The following PLD1 variants were observed in gnomAD, a reference collection of about 807,000 sequenced individuals.
The protein encoded by PLD1 is choline phosphatase 1.
Under a neutral mutation model 137.1 loss-of-function variants are expected in PLD1, and 112 were observed. The ratio of observed to expected loss-of-function variants is 0.82; its 90% CI spans 0.70 to 0.96. The LOEUF is 0.96. PLD1 is among the 40% of genes least tolerant of loss of function. PLD1 has a pLI of 0.00. For missense variants in PLD1, 1,321 were observed against 1,342.0 expected (o/e 0.98, Z 0.24); for synonymous variants, 431 against 454.7 (o/e 0.95, Z 0.66).
At chr3:171,726,492 G>A (rs1718520292) in intron 6 of PLD1, among the ~76,000 whole-genome samples, 1 of 152,132 alleles carries the variant, frequency 6.6e-6, no homozygotes, top group South Asian at 2.1e-4. Flanking sequence ...ACTGGATTTG[G>A]GCCCACAGTG....
chr3:171,640,588 G>C (rs1390713866), intron 23 of PLD1, among the ~76,000 whole-genome samples: 1 of 152,224 alleles, frequency 6.6e-6, no homozygotes, highest in Non-Finnish European at 1.5e-5. Flanking sequence ...GAGGGGCTCT[G>C]TGTATGTGTG....
At chr3:171,665,162 C>T (rs1323133768) in intron 19 of PLD1, among the ~76,000 whole-genome samples, 1 of 152,134 alleles carries the variant, frequency 6.6e-6, no homozygotes, top group Admixed American at 6.5e-5. Context: ...AGAATTACAT[C>T]AATGTCAGCT....
chr3:171,804,143 C>G (rs763594832), intron 1 of PLD1, among the ~76,000 whole-genome samples: 21 of 152,110 alleles, frequency 1.4e-4, no homozygotes, highest in South Asian at 2.1e-4. Flanking sequence ...CAGAGGACCA[C>G]TGCCCTACAC....
chr3:171,716,760 G>A (rs577770398), intron 8 of PLD1, among the ~76,000 whole-genome samples: 4 of 152,136 alleles, frequency 2.6e-5, no homozygotes, highest in Admixed American at 6.5e-5. Flanking sequence ...GATTCCATTC[G>A]CCAATTTTTG....
In PLD1 at chr3:171,737,640, A is replaced by G. The variant is rs1337419082; in HGVS notation, c.180T>C (p.Ala60=). The G allele has an allele frequency of 5.8e-6, 9 of 1,562,956 alleles. No individual in the cohort carries two copies. Among genetic ancestry groups the G allele is most frequent in the Non-Finnish European group, 7.9e-6 (9 of 1,136,940 alleles). Residue 60 remains alanine (A), a synonymous_variant, in exon 3 of 27, where the codon GCT becomes GCC. Coordinates refer to ENST00000351298, the MANE Select transcript of PLD1 (RefSeq NM_002662.5). ...KIQEVYIPFS[A]IYNTQGFKEP... The stretch of plus-strand genomic sequence containing the variant: ...CCTTAAATCCTTGAGTGTTATAAAT[A>G]GCAGAGAAAGGGATATACACTAAAA...
At chr3:171,686,945 T>C (rs999229008) in intron 15 of PLD1, 147 bp from the exon 16 acceptor site, 1 of 530,328 alleles carries the variant, frequency 1.9e-6, no homozygotes, top group Non-Finnish European at 3.3e-6. Context: ...GGCTTTAAGA[T>C]GGATTTCAAA....
At chr3:171,699,503 T>C (rs554672798) in intron 12 of PLD1, among the ~76,000 whole-genome samples, 26 of 152,292 alleles carry the variant, frequency 1.7e-4, no homozygotes, top group African/African-American at 5.5e-4. Flanking sequence ...CCATAACTGA[T>C]TCAAAAATAA....
chr3:171,651,480 T>G (rs1736764697), intron 21 of PLD1, among the ~76,000 whole-genome samples: 1 of 152,190 alleles, frequency 6.6e-6, no homozygotes, highest in Non-Finnish European at 1.5e-5. Flanking sequence ...CCTTCTGGGC[T>G]TCAGTTTCCT....
At chr3:171,717,020 G>A (rs1469456033) in intron 8 of PLD1, among the ~76,000 whole-genome samples, 1 of 152,140 alleles carries the variant, frequency 6.6e-6, no homozygotes, top group African/African-American at 2.4e-5. Flanking sequence ...GGTTGTAGGT[G>A]TGCAGTATTA....
At chr3:171,680,012 G>A (rs576686859) in intron 16 of PLD1, among the ~76,000 whole-genome samples, 64 of 152,068 alleles carry the variant, frequency 4.2e-4, no homozygotes, top group Non-Finnish European at 8.2e-4. Flanking sequence ...ATCCTCCTCT[G>A]TCAGTGGCTC....
At chr3:171,764,942 GAAAGAAAGAAAGAAAGAAAGAAA>G (rs1377420120) in intron 1 of PLD1, among the ~76,000 whole-genome samples, 159 of 15,364 alleles carry the variant, frequency 0.01, 24 homozygotes, top group Non-Finnish European at 0.013. Flanking sequence ...AGGAAAGAAA[GAAAGAAAGAAAGAAAGAAAGAAA>G]GAAAGAAAGA....
intron 19 of PLD1, among the ~76,000 whole-genome samples, chr3:171,672,764 C>T (rs552464176): frequency 6.6e-6 from 1 of 152,190 alleles, no homozygotes; most frequent in African/African-American, 2.4e-5. Context: ...GGATTCCAAG[C>T]GTGAGCCACC....
chr3:171,709,583 G>C lies in PLD1; in HGVS notation c.1038C>G (p.Ile346Met). Residue 346 changes from isoleucine to methionine, a missense_variant, in exon 10 of 27, where the codon ATC becomes ATG. Physicochemically the swap from Ile to Met is conservative, Grantham distance 10. Coordinates refer to ENST00000351298, the MANE Select transcript of PLD1 (RefSeq NM_002662.5). ...KDHRFGSYAA[I>M]QENALAKWYV... The stretch of plus-strand genomic sequence containing the variant: ...ACCATTTAGCTAAAGCATTCTCTTG[G>C]ATAGCAGCATATGACCCAAATCGAT... 6.2e-7 allele frequency: 1 copy of C among 1,613,958 alleles called. No individual in the cohort carries two copies. The highest frequency in any genetic ancestry group is 8.5e-7 in the Non-Finnish European group (1 of 1,179,890).
chr3:171,769,944 T>G (rs1480160692), intron 1 of PLD1, among the ~76,000 whole-genome samples: 1 of 152,178 alleles, frequency 6.6e-6, no homozygotes, highest in African/African-American at 2.4e-5. Flanking sequence ...TAAAGTAACA[T>G]GAAAGCAAGA....
In PLD1 at chr3:171,766,922, G is replaced by T. The variant is rs559460538; in HGVS notation, c.-31-28840C>A. Among the ~76,000 whole-genome samples the T allele has an allele frequency of 1.6e-3, 240 of 152,104 alleles. 3 individuals are homozygous for T. Among genetic ancestry groups the T allele is most frequent in the African/African-American group, 5.5e-3 (230 of 41,500 alleles). ...ACACGTTTAAATTTTAGCCAAATTG[G>T]GTAGAAGTTATTTGCCCAATATTTT... On this transcript the variant is annotated intron_variant, in intron 1 of 26. Transcript: ENST00000351298.
At chr3:171,685,991 C>T (rs1358292410) in intron 16 of PLD1, among the ~76,000 whole-genome samples, 2 of 151,960 alleles carry the variant, frequency 1.3e-5, no homozygotes, top group African/African-American at 2.4e-5. Flanking sequence ...CGGTCATGCA[C>T]GCCTATAATC....
At chr3:171,666,643 C>T (rs1223328595) in intron 19 of PLD1, among the ~76,000 whole-genome samples, 2 of 152,214 alleles carry the variant, frequency 1.3e-5, no homozygotes, top group Non-Finnish European at 2.9e-5. Flanking sequence ...TCACTGACTT[C>T]ACCAACTTGT....
intron 12 of PLD1, among the ~76,000 whole-genome samples, chr3:171,698,421 T>A (rs1339340280): frequency 6.6e-6 from 1 of 152,248 alleles, no homozygotes; most frequent in Non-Finnish European, 1.5e-5. Flanking sequence ...ATAAATATTA[T>A]CAATTTCTTT....
At chr3:171,697,358 C>T (rs1715834708) in intron 12 of PLD1, among the ~76,000 whole-genome samples, 1 of 151,144 alleles carries the variant, frequency 6.6e-6, no homozygotes, top group Non-Finnish European at 1.5e-5. Context: ...CATTCTCCTG[C>T]CTCAGCCTCC....
Sources: gnomAD v4.1 joint callset for allele counts (sites outside exome capture counted in the v4.1 genomes callset) on GRCh38, gnomAD v4.1.1 for gene constraint, MANE v1.5 for transcripts, NCBI Gene and HGNC (gene_info 2026-07-23, HGNC 2026-07-21) for gene names.